CADPS: variants seen among roughly 807,000 people sequenced by gnomAD.
The protein encoded by CADPS is calcium dependent secretion activator.
CADPS carries 57 observed loss-of-function variants against 167.3 expected under a neutral mutation model. That is an observed-to-expected ratio of 0.34 (90% CI 0.28 to 0.42). The LOEUF (loss-of-function observed/expected upper bound fraction) is 0.42, where lower values mean the gene tolerates loss of function less well. Among genes scored for constraint, CADPS ranks in the 20% least tolerant of loss-of-function variants. The pLI is 1.00. For synonymous variants in CADPS, 676 were observed against 635.3 expected, an observed-to-expected ratio of 1.06 and a Z score of -0.96; for missense variants, 1,414 against 1,738.1, an observed-to-expected ratio of 0.81 and a Z score of 3.32.
At chr3:62,655,796 C>G (rs922228968) in intron 4 of CADPS, among the ~76,000 whole-genome samples, 3 of 152,084 alleles carry the variant, frequency 2.0e-5, no homozygotes, top group African/African-American at 7.2e-5. Context: ...CTATTTAATC[C>G]AATCTCTCAG....
At chr3:62,784,973 G>T (rs941176459) in intron 1 of CADPS, among the ~76,000 whole-genome samples, 13 of 152,102 alleles carry the variant, frequency 8.5e-5, no homozygotes, top group African/African-American at 1.9e-4. Flanking sequence ...ATAATGGTAC[G>T]GTGGGTTATG....
At chr3:62,534,262 T>C (rs924242472) in intron 12 of CADPS, among the ~76,000 whole-genome samples, 16 of 152,174 alleles carry the variant, frequency 1.1e-4, no homozygotes, top group Non-Finnish European at 2.1e-4. Context: ...TTGCTCCATC[T>C]TGGGAGAGAA....
At chr3:62,559,541 C>A (rs1182500749) in intron 9 of CADPS, among the ~76,000 whole-genome samples, 1 of 151,620 alleles carries the variant, frequency 6.6e-6, no homozygotes, top group East Asian at 1.9e-4. Flanking sequence ...GTTGCCCAGA[C>A]TGGGGTGCAA....
intron 1 of CADPS, among the ~76,000 whole-genome samples, chr3:62,776,545 T>G (rs1213989319): frequency 2.6e-5 from 4 of 152,046 alleles, no homozygotes; most frequent in African/African-American, 9.7e-5. Context: ...TCTCAGCTAC[T>G]TGGGAGGCTG....
chr3:62,794,255 T>A (rs1317707168), intron 1 of CADPS, among the ~76,000 whole-genome samples: 1 of 152,114 alleles, frequency 6.6e-6, no homozygotes, highest in Non-Finnish European at 1.5e-5. Context: ...GGATAACAAC[T>A]GTGTCAACTA....
intron 7 of CADPS, among the ~76,000 whole-genome samples, chr3:62,590,904 G>A (rs1402766240): frequency 6.6e-6 from 1 of 152,000 alleles, no homozygotes; most frequent in Non-Finnish European, 1.5e-5. Flanking sequence ...GCCCAGGCTA[G>A]AGTGCAATGG....
intron 1 of CADPS, among the ~76,000 whole-genome samples, chr3:62,780,204 T>C (rs1337521613): frequency 6.6e-6 from 1 of 152,102 alleles, no homozygotes; most frequent in African/African-American, 2.4e-5. Flanking sequence ...AAAAATGATC[T>C]AAAACTTGAA....
intron 6 of CADPS, among the ~76,000 whole-genome samples, chr3:62,596,055 T>A (rs2058862458): frequency 6.6e-6 from 1 of 151,140 alleles, no homozygotes; most frequent in Non-Finnish European, 1.5e-5. Context: ...TGTAAGTTAA[T>A]ACTTAATTAA....
At chr3:62,769,226 C>CT (rs34651999) in intron 1 of CADPS, among the ~76,000 whole-genome samples, 43,364 of 146,516 alleles carry the variant, frequency 0.3, 7,067 homozygotes, top group African/African-American at 0.46. Context: ...TAATTCTCAT[C>CT]TTTTTTTTTT....
In CADPS at chr3:62,874,075, G is replaced by T. The variant is rs2083175195; in HGVS notation, c.441+514C>A. Among the ~76,000 whole-genome samples, 1 of 152,144 alleles carries T rather than the reference G, an allele frequency of 6.6e-6. No homozygotes were observed. Among genetic ancestry groups the T allele is most frequent in the Admixed American group, 6.5e-5 (1 of 15,286 alleles). ...CCGCCTGCCCCTGCGGTTGCTCTCT[G>T]CCCCAGCGAGCGGAGCGCTGCTCCA... On this transcript the variant is annotated intron_variant, in intron 1 of 29. Transcript: ENST00000383710. This position sits in a 1 kb window ranked among gnomAD's most constrained non-coding sequence, Gnocchi z 7.1.
chr3:62,753,634 G>A lies in CADPS; in HGVS notation c.695C>T (p.Thr232Ile), dbSNP rs1183750573. The A allele has an allele frequency of 6.2e-7, 1 of 1,614,166 alleles. No individual in the cohort carries two copies. Among genetic ancestry groups the A allele is most frequent in the Middle Eastern group, 1.6e-4 (1 of 6,062 alleles). ...TTTGGCCATCCAGGAGCTCAGCACA[G>A]TCTCCTTGCTGAGGCCGTCAATCTC... ...LPEIDGLSKETVLSSWMAKFD... is the reference protein window; with the variant it reads ...LPEIDGLSKEIVLSSWMAKFD... The change falls in exon 3 of 30, where the codon ACT (threonine) becomes ATT (isoleucine). Residue 232 changes from threonine (T) to isoleucine (I), a missense_variant. Around this residue, in one of 6 missense-constraint regions of CADPS, gnomAD observed 522 missense variants for 559.5 expected, o/e 0.93. Transcript: ENST00000383710. The surrounding 1 kb of genome is among the most constrained non-coding windows in gnomAD (Gnocchi z 4.6).
At chr3:62,492,210 T>C in intron 20 of CADPS, 80 bp downstream of exon 20, 1 of 1,230,796 alleles carries the variant, frequency 8.1e-7, no homozygotes, top group Non-Finnish European at 1.2e-6. Flanking sequence ...GCCTGTAGTC[T>C]GCTTGGGATA....
At chr3:62,768,536 C>T (rs936032369) in intron 1 of CADPS, among the ~76,000 whole-genome samples, 1 of 152,158 alleles carries the variant, frequency 6.6e-6, no homozygotes, top group African/African-American at 2.4e-5. Context: ...GCATGGTGCT[C>T]ATTTAGTTAA....
intron 1 of CADPS, among the ~76,000 whole-genome samples, chr3:62,805,812 AAG>A (rs898866094): frequency 2.1e-4 from 32 of 152,114 alleles, no homozygotes; most frequent in African/African-American, 7.7e-4. Flanking sequence ...TCAGGGTGGG[AAG>A]AGAGAGAGGT....
At chr3:62,854,591 G>A (rs934421265) in intron 1 of CADPS, among the ~76,000 whole-genome samples, 1 of 152,154 alleles carries the variant, frequency 6.6e-6, no homozygotes, top group Admixed American at 6.5e-5. Context: ...TGTGATGTGG[G>A]TGAGAACTAT....
intron 6 of CADPS, among the ~76,000 whole-genome samples, chr3:62,609,243 C>T (rs1188839409): frequency 4.0e-5 from 6 of 150,408 alleles, no homozygotes; most frequent in African/African-American, 1.5e-4. Flanking sequence ...TTTTTTGTGA[C>T]ACTTCCAGCC....
intron 28 of CADPS, among the ~76,000 whole-genome samples, chr3:62,423,827 C>A (rs948031861): frequency 6.6e-6 from 1 of 152,120 alleles, no homozygotes. Flanking sequence ...CCTAGGGCTG[C>A]TAAGAGGATT....
chr3:62,481,902 C>T, intron 21 of CADPS, 33 bp from the exon 22 acceptor site: 1 of 1,597,482 alleles, frequency 6.3e-7, no homozygotes, highest in Non-Finnish European at 8.5e-7. Flanking sequence ...GAAAAAATAC[C>T]ATCACAGTGA....
intron 13 of CADPS, among the ~76,000 whole-genome samples, chr3:62,526,497 C>T (rs1324350241): frequency 6.6e-6 from 1 of 152,150 alleles, no homozygotes; most frequent in Non-Finnish European, 1.5e-5. Flanking sequence ...ACGCAACTTG[C>T]AATCATCAGA....
Sources: allele counts gnomAD v4.1 joint callset (sites outside exome capture counted in the v4.1 genomes callset), GRCh38; gene constraint gnomAD v4.1.1; regional missense constraint gnomAD v4.1.1; non-coding constraint Gnocchi (gnomAD v3.1); transcripts MANE v1.5; gene names NCBI Gene and HGNC (gene_info 2026-07-23, HGNC 2026-07-21).